FAF2: variants seen among roughly 807,000 people sequenced by gnomAD.
The protein encoded by FAF2 is FAS-associated factor 2.
Under a neutral mutation model 62.3 loss-of-function variants are expected in FAF2, and 9 were observed. That is an observed-to-expected ratio of 0.14 (90% CI 0.09 to 0.25). FAF2 has a LOEUF of 0.25. FAF2 is among the 10% of genes least tolerant of loss of function. FAF2 has a pLI of 1.00. For synonymous variants in FAF2, 202 were observed against 198.0 expected (o/e 1.02, Z -0.17); for missense variants, 368 against 556.2 (o/e 0.66, Z 3.40).
chr5:176,488,885 C>A, intron 3 of FAF2, 66 bp from the exon 4 acceptor site: 1 of 1,288,140 alleles, frequency 7.8e-7, no homozygotes, highest in Non-Finnish European at 1.1e-6. Flanking sequence ...GAAAATCTGA[C>A]CTAGCCATTT....
chr5:176,483,751 A>G (rs1758825347), intron 2 of FAF2, among the ~76,000 whole-genome samples: 1 of 152,198 alleles, frequency 6.6e-6, no homozygotes, highest in Non-Finnish European at 1.5e-5. Flanking sequence ...TAGGGAACAT[A>G]TAGATTAAAA....
intron 1 of FAF2, among the ~76,000 whole-genome samples, chr5:176,468,311 G>T (rs1009389249): frequency 2.6e-5 from 4 of 152,132 alleles, no homozygotes; most frequent in Non-Finnish European, 5.9e-5. Flanking sequence ...GAGGCTGGGC[G>T]CAGTGGCTCA....
chr5:176,491,303 A>C (rs955714651), intron 4 of FAF2, among the ~76,000 whole-genome samples: 6 of 152,194 alleles, frequency 3.9e-5, no homozygotes, highest in African/African-American at 1.4e-4. Context: ...AAATGGTACT[A>C]TACAAATAGG....
At chr5:176,491,854 A>G (rs961222196) in intron 4 of FAF2, among the ~76,000 whole-genome samples, 59 of 152,220 alleles carry the variant, frequency 3.9e-4, no homozygotes, top group African/African-American at 1.3e-3. Context: ...GTCTGGGTGC[A>G]TAGCCTGACA....
At chr5:176,502,956 G>A (rs1294378098) in intron 10 of FAF2, among the ~76,000 whole-genome samples, 1 of 151,824 alleles carries the variant, frequency 6.6e-6, no homozygotes, top group Non-Finnish European at 1.5e-5. Context: ...GCTGAGGCAG[G>A]AGAATTGCTT....
At chr5:176,496,730 GC>G in intron 8 of FAF2, 67 bp downstream of exon 8, 1 of 1,268,994 alleles carries the variant, frequency 7.9e-7, no homozygotes, top group Non-Finnish European at 1.1e-6. Context: ...GACCTCTGGG[GC>G]TCTACCAATC....
chr5:176,507,050 T>A lies in FAF2; in HGVS notation c.*100T>A. ...GAAAAAAAAAACAAGAGAGAGAAAT[T>A]CATATTATTATTATTATTATAATAC... On this transcript the variant is annotated 3_prime_UTR_variant, in exon 11 of 11. Coordinates refer to ENST00000261942, the MANE Select transcript of FAF2 (RefSeq NM_014613.3). 1.5e-6 allele frequency: 1 copy of A among 686,296 alleles called. No homozygotes were observed. Among genetic ancestry groups the A allele is most frequent in the Non-Finnish European group, 2.1e-6 (1 of 483,870 alleles). The allele number at this position is 686,296 out of a possible 1,614,324, so 42.5% of individuals were successfully genotyped here.
intron 1 of FAF2, among the ~76,000 whole-genome samples, chr5:176,471,856 A>G (rs1758576245): frequency 6.7e-6 from 1 of 149,480 alleles, no homozygotes; most frequent in South Asian, 2.1e-4. Context: ...TGCCCAGCTA[A>G]TTTTTTGTAT....
intron 1 of FAF2, among the ~76,000 whole-genome samples, chr5:176,450,746 G>C (rs1758151810): frequency 6.6e-6 from 1 of 152,048 alleles, no homozygotes; most frequent in African/African-American, 2.4e-5. Flanking sequence ...GTAGAGACGG[G>C]GTTTCACGAT....
chr5:176,500,177 T>G (rs572960612), intron 10 of FAF2, 31 bp downstream of exon 10: 1 of 1,609,206 alleles, frequency 6.2e-7, no homozygotes, highest in African/African-American at 1.3e-5. Flanking sequence ...GTGAAGTGTA[T>G]GTAGCATCTG....
chr5:176,480,435 C>T (rs776516063), intron 2 of FAF2, among the ~76,000 whole-genome samples: 19 of 151,616 alleles, frequency 1.3e-4, no homozygotes, highest in Non-Finnish European at 2.5e-4. Context: ...TTTTTTAAGA[C>T]GGGGTCTTGC....
intron 1 of FAF2, among the ~76,000 whole-genome samples, chr5:176,477,900 G>A (rs1758731190): frequency 6.6e-6 from 1 of 152,198 alleles, no homozygotes; most frequent in African/African-American, 2.4e-5. Context: ...GTTGAGATCA[G>A]TCTCTTTGCC....
At chr5:176,482,584 C>CTGCA (rs1581067544) in intron 2 of FAF2, among the ~76,000 whole-genome samples, 1 of 152,328 alleles carries the variant, frequency 6.6e-6, no homozygotes, top group East Asian at 1.9e-4. Flanking sequence ...TTATGGCTAA[C>CTGCA]TGCAGCCTTG....
intron 1 of FAF2, among the ~76,000 whole-genome samples, chr5:176,461,038 TG>T (rs1758369816): frequency 1.3e-5 from 2 of 150,386 alleles, no homozygotes; most frequent in African/African-American, 4.9e-5. Context: ...TTTCAGACAA[TG>T]TTTTACTCTG....
chr5:176,459,763 G>A (rs1758343348), intron 1 of FAF2, among the ~76,000 whole-genome samples: 1 of 152,086 alleles, frequency 6.6e-6, no homozygotes, highest in Non-Finnish European at 1.5e-5. Context: ...GGGTACATGT[G>A]TGGGTTTGAT....
At chr5:176,463,164 C>T (rs914432412) in intron 1 of FAF2, among the ~76,000 whole-genome samples, 1 of 151,906 alleles carries the variant, frequency 6.6e-6, no homozygotes, top group Non-Finnish European at 1.5e-5. Flanking sequence ...GAGGCTGAGG[C>T]GGGTGGATCA....
At chr5:176,491,321 C>T (rs187896644) in intron 4 of FAF2, among the ~76,000 whole-genome samples, 92 of 152,204 alleles carry the variant, frequency 6.0e-4, no homozygotes, top group Non-Finnish European at 9.4e-4. Flanking sequence ...AGGGTAGGCC[C>T]TTTAGAAACA....
intron 2 of FAF2, among the ~76,000 whole-genome samples, chr5:176,479,547 CCTT>C (rs774289305): frequency 2.0e-5 from 3 of 152,072 alleles, no homozygotes; most frequent in African/African-American, 4.8e-5. Flanking sequence ...TTGATGTGAA[CCTT>C]CTTCTTACAT....
chr5:176,472,823 A>T, intron 1 of FAF2, among the ~76,000 whole-genome samples: 1 of 152,086 alleles, frequency 6.6e-6, no homozygotes, highest in Non-Finnish European at 1.5e-5. Flanking sequence ...GCCTGAAATG[A>T]ATGATCTTTC....
Sources: gnomAD v4.1 joint callset for allele counts (sites outside exome capture counted in the v4.1 genomes callset) on GRCh38, gnomAD v4.1.1 for gene constraint, MANE v1.5 for transcripts, NCBI Gene and HGNC (gene_info 2026-07-23, HGNC 2026-07-21) for gene names.